The following LOC400499 variants were observed in gnomAD, a reference collection of about 807,000 sequenced individuals.
chr16:11,382,690 A>G, the LOC400499 span, among the ~76,000 whole-genome samples: 1 of 152,164 alleles, frequency 6.6e-6, no homozygotes, highest in Non-Finnish European at 1.5e-5. Flanking sequence ...CCCGCCTGTC[A>G]TTTCAGCACT....
At chr16:11,489,644 A>G in the LOC400499 span, among the ~76,000 whole-genome samples, 2 of 152,114 alleles carry the variant, frequency 1.3e-5, no homozygotes, top group Non-Finnish European at 2.9e-5. Flanking sequence ...GTGCCCACTT[A>G]TTCCCACTGG....
At chr16:11,468,001 A>T in the LOC400499 span, among the ~76,000 whole-genome samples, 1 of 152,150 alleles carries the variant, frequency 6.6e-6, no homozygotes, top group African/African-American at 2.4e-5. Flanking sequence ...GAGACAGAAG[A>T]CCACCTCCAA....
the LOC400499 span, among the ~76,000 whole-genome samples, chr16:11,510,623 C>A: frequency 6.6e-6 from 1 of 151,642 alleles, no homozygotes; most frequent in Non-Finnish European, 1.5e-5. Flanking sequence ...GGGTGTCAGC[C>A]TCAGGGTGGC....
the LOC400499 span, chr16:11,459,962 C>G: frequency 1.3e-6 from 2 of 1,512,336 alleles, no homozygotes; most frequent in Non-Finnish European, 1.8e-6. Context: ...CACGGAGATG[C>G]CTCTTGTTGC....
At chr16:11,386,637 C>T in the LOC400499 span, among the ~76,000 whole-genome samples, 1 of 152,244 alleles carries the variant, frequency 6.6e-6, no homozygotes, top group African/African-American at 2.4e-5. Context: ...CTACATTTCA[C>T]GGTGGAGCAA....
the LOC400499 span, chr16:11,390,081 C>T: frequency 1.5e-5 from 18 of 1,225,610 alleles, no homozygotes; most frequent in East Asian, 3.2e-5. Flanking sequence ...ACGCAGGATG[C>T]GCTACTCTCA....
chr16:11,496,050 C>T, the LOC400499 span, among the ~76,000 whole-genome samples: 2 of 148,598 alleles, frequency 1.3e-5, no homozygotes, highest in African/African-American at 4.9e-5. Flanking sequence ...GAAATAAAAT[C>T]TCTGCCTAGC....
chr16:11,480,601 T>A, the LOC400499 span, among the ~76,000 whole-genome samples: 54 of 152,228 alleles, frequency 3.5e-4, no homozygotes, highest in Middle Eastern at 0.01. Flanking sequence ...GAGCTTCTAG[T>A]AAGAAAATAC....
At chr16:11,473,755 C>CAA in the LOC400499 span, among the ~76,000 whole-genome samples, 1,260 of 139,140 alleles carry the variant, frequency 9.1e-3, 19 homozygotes, top group African/African-American at 0.027. Context: ...AACTCTGTCT[C>CAA]AAAAAAAAAA....
the LOC400499 span, among the ~76,000 whole-genome samples, chr16:11,409,580 T>A: frequency 6.6e-6 from 1 of 152,194 alleles, no homozygotes; most frequent in Non-Finnish European, 1.5e-5. Context: ...ACATGGCAAC[T>A]ACGAATGCTG....
the LOC400499 span, among the ~76,000 whole-genome samples, chr16:11,490,144 C>A: frequency 6.6e-6 from 1 of 152,160 alleles, no homozygotes; most frequent in East Asian, 1.9e-4. Context: ...CCTGTCATCT[C>A]AAGCACTTTG....
the LOC400499 span, chr16:11,460,404 T>G: frequency 5.6e-5 from 80 of 1,433,308 alleles, no homozygotes; most frequent in South Asian, 1.1e-3. Flanking sequence ...GGGGATGAGT[T>G]CAGGGTACTC....
chr16:11,468,370 C>A, the LOC400499 span, among the ~76,000 whole-genome samples: 526 of 152,326 alleles, frequency 3.5e-3, 3 homozygotes, highest in African/African-American at 0.012. Flanking sequence ...GTCACCCAGG[C>A]TGGAGTGCAG....
At chr16:11,417,759 G>C in the LOC400499 span, 1 of 399,104 alleles carries the variant, frequency 2.5e-6, no homozygotes, top group Non-Finnish European at 4.4e-6. Context: ...AGCTCACAGA[G>C]TAGTTGAGGA....
chr16:11,431,998 A>T, the LOC400499 span, among the ~76,000 whole-genome samples: 1 of 152,214 alleles, frequency 6.6e-6, no homozygotes, highest in Admixed American at 6.5e-5. Flanking sequence ...GCCACCTGGT[A>T]AGAAGTCTGA....
the LOC400499 span, among the ~76,000 whole-genome samples, chr16:11,403,887 C>T: frequency 1.9e-3 from 292 of 152,290 alleles, 2 homozygotes; most frequent in East Asian, 7.5e-3. Context: ...TCTCCCTGCC[C>T]GGCTGCACTC....
the LOC400499 span, among the ~76,000 whole-genome samples, chr16:11,432,369 G>A: frequency 6.6e-6 from 1 of 152,346 alleles, no homozygotes. Context: ...ACTCTGACAT[G>A]CACTGTGCAC....
At chr16:11,436,035 G>C in the LOC400499 span, among the ~76,000 whole-genome samples, 1 of 152,190 alleles carries the variant, frequency 6.6e-6, no homozygotes, top group African/African-American at 2.4e-5. Context: ...AAATGAGACA[G>C]AGGGAGGAAT....
At chr16:11,407,245 C>T in the LOC400499 span, 1 of 399,050 alleles carries the variant, frequency 2.5e-6, no homozygotes, top group Non-Finnish European at 4.4e-6. Context: ...TGAGACCGGC[C>T]TTAGCAGCTA....
Sources: gnomAD v4.1 joint callset for allele counts (sites outside exome capture counted in the v4.1 genomes callset) on GRCh38, gnomAD v4.1.1 for gene constraint, MANE v1.5 for transcripts.